Variants in FCRL1 observed in about 807,000 individuals in gnomAD.
FCRL1 encodes Fc receptor-like protein 1.
Under a neutral mutation model 49.2 loss-of-function variants are expected in FCRL1, and 34 were observed. The observed-to-expected ratio is 0.69, with a 90% CI of 0.53 to 0.92. The LOEUF is 0.92. FCRL1 is among the 40% of genes least tolerant of loss of function. FCRL1 has a pLI of 0.00. For synonymous variants in FCRL1, 218 were observed against 201.6 expected, an observed-to-expected ratio of 1.08 and a Z score of -0.69; for missense variants, 524 against 524.1, an observed-to-expected ratio of 1.00 and a Z score of 0.00.
At chr1:157,801,621 TG>T (rs1405797574) in intron 5 of FCRL1, 44 bp from the exon 6 acceptor site, 1 of 1,390,194 alleles carries the variant, frequency 7.2e-7, no homozygotes, top group South Asian at 1.2e-5. Context: ...AGGAAGGGCT[TG>T]GGGCTTAGAG....
rs185991382 is a variant in FCRL1, at chr1:157,795,388, C to A, written c.*711G>T. The A allele has an allele frequency of 2.6e-5, 4 of 152,174 alleles. No homozygotes were observed. The highest frequency in any genetic ancestry group is 6.5e-5 in the Admixed American group (1 of 15,294). The allele number at this position is 152,174 out of a possible 1,614,324, so 9.4% of individuals were successfully genotyped here. On this transcript the variant is annotated 3_prime_UTR_variant, in exon 11 of 11. Transcript: ENST00000368176. The stretch of plus-strand genomic sequence containing the variant: ...AAAAAAATAATTAAGATACAGGTTT[C>A]AAACCATATTACCACGATTTCAAAA...
intron 1 of FCRL1, 26 bp downstream of exon 1, chr1:157,819,981 G>A: frequency 6.2e-7 from 1 of 1,613,884 alleles, no homozygotes; most frequent in Non-Finnish European, 8.5e-7. Context: ...TGCATCCCAT[G>A]CCCTGCTCTG....
intron 1 of FCRL1, among the ~76,000 whole-genome samples, chr1:157,809,074 A>T (rs1353231516): frequency 6.6e-6 from 1 of 152,202 alleles, no homozygotes; most frequent in African/African-American, 2.4e-5. Flanking sequence ...GTTTATTAAG[A>T]TGTCTATTAG....
chr1:157,798,517 C>T (rs1326746983), intron 7 of FCRL1, among the ~76,000 whole-genome samples: 1 of 152,042 alleles, frequency 6.6e-6, no homozygotes, highest in Non-Finnish European at 1.5e-5. Context: ...ATCATGAGTG[C>T]TCCCTAAATA....
Position 157,802,667 on chromosome 1 carries a change from G to C in FCRL1, c.320-3C>G, listed in dbSNP as rs199823233. 7.4e-6 allele frequency: 12 copies of C among 1,611,240 alleles called. No homozygotes were observed. Among genetic ancestry groups the C allele is most frequent in the Non-Finnish European group, 9.3e-6 (11 of 1,178,566 alleles). On this transcript the variant is annotated splice_region_variant and splice_polypyrimidine_tract_variant and intron_variant, in intron 3 of 10. Coordinates refer to ENST00000368176, the MANE Select transcript of FCRL1 (RefSeq NM_052938.5). Reference sequence around the variant, plus strand: ...GCTCACATCAGCGACAGGGACCCCTGTGTGGACACAAGATGACATAGGAAG... The same window carrying C: ...GCTCACATCAGCGACAGGGACCCCTCTGTGGACACAAGATGACATAGGAAG...
At chr1:157,806,630 A>G (rs1400478993) in intron 2 of FCRL1, 2 of 153,718 alleles carry the variant, frequency 1.3e-5, no homozygotes, top group African/African-American at 2.4e-5. Context: ...CATTCCACAC[A>G]TGTCTGGAGG....
At chr1:157,806,261 C>A (rs1310056083) in intron 2 of FCRL1, among the ~76,000 whole-genome samples, 1 of 152,192 alleles carries the variant, frequency 6.6e-6, no homozygotes, top group Non-Finnish European at 1.5e-5. Context: ...GACCCTGAAT[C>A]TCTCTGAATC....
chr1:157,797,020 GT>G, intron 10 of FCRL1, 80 bp downstream of exon 10: 1 of 1,422,088 alleles, frequency 7.0e-7, no homozygotes, highest in Non-Finnish European at 9.9e-7. Flanking sequence ...CTCTTTCTAA[GT>G]GGCTATAATT....
intron 1 of FCRL1, among the ~76,000 whole-genome samples, chr1:157,808,512 C>A (rs1011646366): frequency 1.3e-5 from 2 of 152,178 alleles, no homozygotes; most frequent in African/African-American, 4.8e-5. Flanking sequence ...AAGGCAAGGG[C>A]ACCTGGAGCT....
intron 1 of FCRL1, among the ~76,000 whole-genome samples, chr1:157,818,884 A>G (rs1655414896): frequency 6.6e-6 from 1 of 152,184 alleles, no homozygotes; most frequent in Admixed American, 6.5e-5. Context: ...TTATGGGAAT[A>G]ATTTAGAATG....
chr1:157,809,434 A>AACAAAG (rs1653980637), intron 1 of FCRL1, among the ~76,000 whole-genome samples: 1 of 152,140 alleles, frequency 6.6e-6, no homozygotes, highest in African/African-American at 2.4e-5. Context: ...CAAAAACAAA[A>AACAAAG]ACAAACAAAA....
intron 1 of FCRL1, among the ~76,000 whole-genome samples, chr1:157,808,685 G>A (rs1653842563): frequency 6.6e-6 from 1 of 152,204 alleles, no homozygotes. Context: ...CAGACACTGT[G>A]AGGAAAGCAG....
chr1:157,801,313 T>C (rs766195849), intron 6 of FCRL1, 148 bp downstream of exon 6: 17 of 652,688 alleles, frequency 2.6e-5, no homozygotes, highest in Non-Finnish European at 4.2e-5. Context: ...TAATAGGCAC[T>C]GTTCCTACCC....
intron 1 of FCRL1, among the ~76,000 whole-genome samples, chr1:157,817,957 A>G (rs1288722052): frequency 2.0e-5 from 3 of 152,216 alleles, no homozygotes; most frequent in Non-Finnish European, 4.4e-5. Flanking sequence ...ACAATGAAAT[A>G]TTACCCCATA....
chr1:157,800,830 C>A (rs1652328107), intron 6 of FCRL1, among the ~76,000 whole-genome samples: 1 of 151,884 alleles, frequency 6.6e-6, no homozygotes, highest in Non-Finnish European at 1.5e-5. Flanking sequence ...GCGATATAGT[C>A]AGGATAGCTG....
chr1:157,803,581 C>T (rs923549899), intron 3 of FCRL1, among the ~76,000 whole-genome samples: 1 of 152,100 alleles, frequency 6.6e-6, no homozygotes, highest in Non-Finnish European at 1.5e-5. Flanking sequence ...AGTCAGGGAC[C>T]AAATATTATG....
intron 7 of FCRL1, 24 bp from the exon 8 acceptor site, chr1:157,798,267 A>G: frequency 6.4e-7 from 1 of 1,566,754 alleles, no homozygotes; most frequent in East Asian, 2.2e-5. Flanking sequence ...GACACATGTT[A>G]TTTATCTGAA....
rs955517116 is a variant in FCRL1, at chr1:157,804,248, C to CA, written c.53-138_53-137insT. ...CACAGGCCACCCTACATGTCTCCACCCCCCCCCCAGTGGCCCATGGGCTTT... is the reference window on the plus strand; with the variant it reads ...CACAGGCCACCCTACATGTCTCCACCACCCCCCCCAGTGGCCCATGGGCTTT... On this transcript the variant is annotated intron_variant, in intron 2 of 10. Coordinates refer to ENST00000368176, the MANE Select transcript of FCRL1 (RefSeq NM_052938.5). 7.4e-6 allele frequency: 7 copies of CA among 941,342 alleles called. No individual in the cohort carries two copies. In the Admixed American group the frequency reaches 8.8e-5, roughly 12 times the overall value. The allele number at this position is 941,342 out of a possible 1,614,324, so 58.3% of individuals were successfully genotyped here.
At chr1:157,808,899 A>AT (rs56380612) in intron 1 of FCRL1, among the ~76,000 whole-genome samples, 71,358 of 151,866 alleles carry the variant, frequency 0.47, 17,701 homozygotes, top group African/African-American at 0.64. Context: ...TGACTCTTAG[A>AT]TTTTTGGCCA....
Sources: gnomAD v4.1 joint callset for allele counts (sites outside exome capture counted in the v4.1 genomes callset) on GRCh38, gnomAD v4.1.1 for gene constraint, MANE v1.5 for transcripts, NCBI Gene and HGNC (gene_info 2026-07-23, HGNC 2026-07-21) for gene names.